The following DLGAP1 variants were observed in gnomAD, a reference collection of about 807,000 sequenced individuals.
The protein encoded by DLGAP1 is disks large-associated protein 1.
In DLGAP1, 11 loss-of-function variants were observed where a neutral mutation model predicts 90.8. The ratio of observed to expected loss-of-function variants is 0.12; its 90% confidence interval spans 0.08 to 0.20. The LOEUF is 0.20. Ranked by LOEUF, DLGAP1 falls within the 10% of genes least tolerant of loss-of-function variation. The pLI, the probability that DLGAP1 is intolerant of heterozygous loss-of-function variation, is 1.00. For synonymous variants in DLGAP1, 558 were observed against 540.7 expected (o/e 1.03, Z -0.44); for missense variants, 1,050 against 1,333.8 (o/e 0.79, Z 3.31).
chr18:3,617,374 G>T (rs1599562907), intron 7 of DLGAP1, among the ~76,000 whole-genome samples: 1 of 152,078 alleles, frequency 6.6e-6, no homozygotes, highest in African/African-American at 2.4e-5. Flanking sequence ...CAAGGCAGGT[G>T]GATCACCTGA....
intron 1 of DLGAP1, among the ~76,000 whole-genome samples, chr18:4,323,085 A>G (rs1038388418): frequency 6.6e-5 from 10 of 152,158 alleles, no homozygotes; most frequent in Admixed American, 5.2e-4. Flanking sequence ...TACATAAGGA[A>G]CTTAATAGCA....
chr18:4,339,305 C>A (rs1474192223), intron 1 of DLGAP1, among the ~76,000 whole-genome samples: 1 of 152,128 alleles, frequency 6.6e-6, no homozygotes, highest in Non-Finnish European at 1.5e-5. Flanking sequence ...GGGAATAACA[C>A]ACACTGTTTT....
chr18:4,089,465 T>A (rs1468727306), intron 2 of DLGAP1, among the ~76,000 whole-genome samples: 1 of 152,076 alleles, frequency 6.6e-6, no homozygotes, highest in African/African-American at 2.4e-5. Flanking sequence ...AAAATTCATA[T>A]GGAACCAAAA....
intron 3 of DLGAP1, among the ~76,000 whole-genome samples, chr18:3,943,169 CT>C (rs1368003644): frequency 6.6e-6 from 1 of 152,128 alleles, no homozygotes; most frequent in Non-Finnish European, 1.5e-5. Flanking sequence ...TCAACTTCAC[CT>C]GCTCTTATTG....
At chr18:4,239,974 A>G (rs1030245757) in intron 1 of DLGAP1, among the ~76,000 whole-genome samples, 1 of 152,192 alleles carries the variant, frequency 6.6e-6, no homozygotes, top group Middle Eastern at 3.4e-3. Context: ...CTGTTTGTTT[A>G]TTTAAACCTC....
chr18:3,539,492 T>G (rs1386723319), intron 9 of DLGAP1, among the ~76,000 whole-genome samples: 1 of 152,224 alleles, frequency 6.6e-6, no homozygotes, highest in East Asian at 1.9e-4. Flanking sequence ...CACAATACTC[T>G]GTCTGTTCTG....
intron 3 of DLGAP1, among the ~76,000 whole-genome samples, chr18:3,897,993 A>G (rs1245425922): frequency 4.0e-5 from 6 of 151,244 alleles, no homozygotes; most frequent in African/African-American, 1.5e-4. Context: ...ACGGGGTTTC[A>G]CCTTGTTAGC....
intron 1 of DLGAP1, among the ~76,000 whole-genome samples, chr18:4,233,204 A>T (rs969107720): frequency 6.6e-6 from 1 of 152,062 alleles, no homozygotes. Flanking sequence ...GATTTTACTT[A>T]TTTCCCCAGT....
At chr18:3,626,717 C>A (rs571232833) in intron 7 of DLGAP1, among the ~76,000 whole-genome samples, 9 of 151,860 alleles carry the variant, frequency 5.9e-5, no homozygotes, top group African/African-American at 1.7e-4. Flanking sequence ...ACCAGCCTGC[C>A]CAACATGGAA....
intron 1 of DLGAP1, among the ~76,000 whole-genome samples, chr18:4,251,308 G>A (rs907143934): frequency 1.3e-5 from 2 of 152,168 alleles, no homozygotes; most frequent in African/African-American, 4.8e-5. Flanking sequence ...AAAGCTGGAA[G>A]GTCTGTCAGA....
chr18:3,637,573 C>T (rs1302562252), intron 7 of DLGAP1, among the ~76,000 whole-genome samples: 2 of 87,076 alleles, frequency 2.3e-5, no homozygotes, highest in South Asian at 4.3e-4. Context: ...GTCTCCCCCA[C>T]CAAAAAAAAA....
chr18:3,822,865 G>A (rs1432451488), intron 4 of DLGAP1, among the ~76,000 whole-genome samples: 1 of 152,148 alleles, frequency 6.6e-6, no homozygotes, highest in Non-Finnish European at 1.5e-5. Flanking sequence ...TAACTAAGAT[G>A]CTGGGTGTGG....
At chr18:3,666,024 C>T (rs1344539265) in intron 7 of DLGAP1, among the ~76,000 whole-genome samples, 2 of 152,004 alleles carry the variant, frequency 1.3e-5, no homozygotes, top group African/African-American at 4.8e-5. Context: ...AAAGGGAGCC[C>T]GGCTCCAACC....
chr18:4,205,047 CAAAT>C (rs1242945397), intron 1 of DLGAP1, among the ~76,000 whole-genome samples: 4 of 152,082 alleles, frequency 2.6e-5, no homozygotes, highest in Non-Finnish European at 5.9e-5. Flanking sequence ...GACAAGAAAA[CAAAT>C]AATTACCAGG....
At chr18:4,058,202 C>T (rs2143230021) in intron 2 of DLGAP1, among the ~76,000 whole-genome samples, 1 of 152,302 alleles carries the variant, frequency 6.6e-6, no homozygotes, top group African/African-American at 2.4e-5. Flanking sequence ...TGGCCTTGCA[C>T]ACCTGCCAGA....
chr18:3,623,726 G>A (rs1180395893), intron 7 of DLGAP1, among the ~76,000 whole-genome samples: 3 of 146,780 alleles, frequency 2.0e-5, no homozygotes, highest in Non-Finnish European at 4.5e-5. Flanking sequence ...GCAGTGAGCC[G>A]AGGTCACACT....
intron 7 of DLGAP1, among the ~76,000 whole-genome samples, chr18:3,658,850 T>G (rs1029377013): frequency 2.6e-5 from 4 of 152,166 alleles, no homozygotes; most frequent in Non-Finnish European, 2.9e-5. Context: ...CTCTGATCAG[T>G]ATGTAGAAAC....
At chr18:3,654,143 C>T (rs1424984598) in intron 7 of DLGAP1, among the ~76,000 whole-genome samples, 7 of 152,184 alleles carry the variant, frequency 4.6e-5, no homozygotes, top group Admixed American at 3.9e-4. Flanking sequence ...CAAAAAGATG[C>T]TCAAGCAACA....
intron 1 of DLGAP1, among the ~76,000 whole-genome samples, chr18:4,400,074 T>A (rs2082521278): frequency 6.6e-6 from 1 of 151,274 alleles, no homozygotes; most frequent in Non-Finnish European, 1.5e-5. Flanking sequence ...GCACCACATG[T>A]TCCCCCACCC....
Sources: gnomAD v4.1 joint callset for allele counts (sites outside exome capture counted in the v4.1 genomes callset) on GRCh38, gnomAD v4.1.1 for gene constraint, MANE v1.5 for transcripts, NCBI Gene and HGNC (gene_info 2026-07-23, HGNC 2026-07-21) for gene names.